STPG2: variants seen among roughly 807,000 people sequenced by gnomAD.
The protein encoded by STPG2 is sperm-tail PG-rich repeat-containing protein 2.
Under a neutral mutation model 54.2 loss-of-function variants are expected in STPG2, and 56 were observed. The ratio of observed to expected loss-of-function variants is 1.03; its 90% CI spans 0.83 to 1.29. STPG2 has a LOEUF of 1.29. STPG2 is among the 50% of genes most tolerant of loss of function. The pLI is 0.00. For missense variants in STPG2, 596 were observed against 544.9 expected (o/e 1.09, Z -0.93); for synonymous variants, 200 against 181.8 (o/e 1.10, Z -0.81).
chr4:98,097,881 A>T (rs973023131), intron 5 of STPG2, among the ~76,000 whole-genome samples: 1 of 152,186 alleles, frequency 6.6e-6, no homozygotes, highest in African/African-American at 2.4e-5. Flanking sequence ...ATAGCCACAG[A>T]TAAAATTGAA....
intron 10 of STPG2, among the ~76,000 whole-genome samples, chr4:97,643,499 G>C (rs1721821492): frequency 6.6e-6 from 1 of 151,548 alleles, no homozygotes; most frequent in Non-Finnish European, 1.5e-5. Flanking sequence ...TAGAACAATA[G>C]TTTTATTTCA....
At chr4:97,971,346 T>C (rs1560616292) in intron 7 of STPG2, among the ~76,000 whole-genome samples, 2 of 152,208 alleles carry the variant, frequency 1.3e-5, no homozygotes, top group South Asian at 4.1e-4. Context: ...TAAAGACACA[T>C]GCACACATAT....
At position 97,729,530 on chromosome 4, in the gene STPG2, T is replaced by C. The variant is rs189418758; in HGVS notation, c.1205-16716A>G. Reference sequence around the variant, plus strand: ...AATATATTAGAAACTGAATTTGGCATGTCTCTTTGATAATGCTGTCTCTGC... The same window carrying C: ...AATATATTAGAAACTGAATTTGGCACGTCTCTTTGATAATGCTGTCTCTGC... On this transcript the variant is annotated intron_variant, in intron 9 of 10. Coordinates refer to ENST00000295268, the MANE Select transcript of STPG2 (RefSeq NM_174952.3). Among the ~76,000 whole-genome samples the C allele has an allele frequency of 2.6e-4, 40 of 152,328 alleles. No homozygotes were observed. In the East Asian group the frequency reaches 6.7e-3, roughly 26 times the overall value.
chr4:97,726,723 G>C (rs1724635554), intron 9 of STPG2, among the ~76,000 whole-genome samples: 1 of 151,580 alleles, frequency 6.6e-6, no homozygotes, highest in Admixed American at 6.6e-5. Flanking sequence ...GAATTAATAA[G>C]GAAAAGTTTA....
chr4:98,135,749 C>G (rs10009206), intron 1 of STPG2, among the ~76,000 whole-genome samples: 11 of 151,424 alleles, frequency 7.3e-5, no homozygotes, highest in African/African-American at 1.9e-4. Context: ...ACCACAAGAC[C>G]AGAAATCCTT....
intron 8 of STPG2, among the ~76,000 whole-genome samples, chr4:97,888,173 G>A (rs1270334048): frequency 6.6e-5 from 10 of 152,174 alleles, no homozygotes; most frequent in Admixed American, 6.5e-4. Flanking sequence ...GAAAAAGTGG[G>A]GTTGGAGACC....
chr4:98,105,954 T>G lies in STPG2; in HGVS notation c.611A>C (p.Lys204Thr). 6.5e-7 allele frequency: 1 copy of G among 1,549,318 alleles called. No homozygotes were observed. Among genetic ancestry groups the G allele is most frequent in the South Asian group, 1.1e-5 (1 of 87,512 alleles). Residue 204 changes from lysine to threonine, a missense_variant and splice_region_variant, in exon 5 of 11, where the codon AAG (lysine) becomes ACG (threonine). By Grantham distance (78) the Lys-to-Thr change is moderately conservative. Coordinates refer to ENST00000295268, the MANE Select transcript of STPG2 (RefSeq NM_174952.3). The stretch of plus-strand genomic sequence containing the variant: ...TGCATTAGCCACTTTTCAACTTACC[T>G]TTTTTTTCTCCTGCAATACTATTAT... ...YEIIVLQEKK[K>T]RFLPMKSITP...
intron 10 of STPG2, among the ~76,000 whole-genome samples, chr4:97,607,341 G>C (rs1311746453): frequency 6.6e-6 from 1 of 151,866 alleles, no homozygotes. Flanking sequence ...ACTTATATAA[G>C]GAGCGGATCT....
chr4:97,990,710 C>T (rs544564173), intron 5 of STPG2, among the ~76,000 whole-genome samples: 6 of 152,158 alleles, frequency 3.9e-5, no homozygotes, highest in Admixed American at 2.6e-4. Context: ...AGTATACTGC[C>T]GTGGAAACAA....
At chr4:97,864,945 G>A (rs941873762) in intron 8 of STPG2, among the ~76,000 whole-genome samples, 3 of 152,138 alleles carry the variant, frequency 2.0e-5, no homozygotes, top group African/African-American at 7.2e-5. Context: ...ATTCATTCAA[G>A]ATGGATTAAA....
intron 10 of STPG2, among the ~76,000 whole-genome samples, chr4:97,599,741 G>A (rs754635879): frequency 2.7e-5 from 4 of 150,814 alleles, no homozygotes; most frequent in Admixed American, 6.6e-5. Flanking sequence ...GGAGAATGGC[G>A]TGAACCTCGG....
At chr4:97,851,913 T>C (rs779755812) in intron 8 of STPG2, among the ~76,000 whole-genome samples, 1 of 152,230 alleles carries the variant, frequency 6.6e-6, no homozygotes, top group Non-Finnish European at 1.5e-5. Context: ...CAGCAAATGC[T>C]AATGCTACTG....
intron 8 of STPG2, among the ~76,000 whole-genome samples, chr4:97,864,091 T>C (rs1206551389): frequency 6.6e-6 from 1 of 152,182 alleles, no homozygotes; most frequent in Non-Finnish European, 1.5e-5. Context: ...TTGGAAGTTC[T>C]GGCCAGGGCA....
chr4:97,518,667 T>C (rs1022664216), intron 4 of STPG2, among the ~76,000 whole-genome samples: 2 of 152,270 alleles, frequency 1.3e-5, no homozygotes, highest in East Asian at 3.9e-4. Context: ...AAATTGGCTA[T>C]TGACAATAAA....
At chr4:97,965,330 C>A (rs968947607) in intron 7 of STPG2, among the ~76,000 whole-genome samples, 1 of 152,202 alleles carries the variant, frequency 6.6e-6, no homozygotes, top group African/African-American at 2.4e-5. Flanking sequence ...GTAAACAAAG[C>A]AGCTGCGAAG....
intron 8 of STPG2, among the ~76,000 whole-genome samples, chr4:97,843,631 T>G (rs1046407284): frequency 2.0e-5 from 3 of 151,828 alleles, no homozygotes; most frequent in Non-Finnish European, 4.4e-5. Flanking sequence ...CCCTAGTATT[T>G]TAAGCTACAA....
chr4:97,809,792 C>G (rs1483057793), intron 9 of STPG2, among the ~76,000 whole-genome samples: 1 of 151,954 alleles, frequency 6.6e-6, no homozygotes, highest in East Asian at 1.9e-4. Context: ...TTTTGAGAGA[C>G]AAAGAAGGGA....
intron 5 of STPG2, among the ~76,000 whole-genome samples, chr4:98,073,742 GTAA>G (rs1354953386): frequency 6.6e-6 from 1 of 151,696 alleles, no homozygotes; most frequent in African/African-American, 2.4e-5. Context: ...AATATATATA[GTAA>G]TAATAATAAT....
At chr4:97,575,036 GA>G (rs963261810) in intron 10 of STPG2, among the ~76,000 whole-genome samples, 19 of 150,132 alleles carry the variant, frequency 1.3e-4, no homozygotes, top group African/African-American at 2.0e-4. Flanking sequence ...AGACAATTCA[GA>G]AAAAAAAATT....
Sources: gnomAD v4.1 joint callset for allele counts (sites outside exome capture counted in the v4.1 genomes callset) on GRCh38, gnomAD v4.1.1 for gene constraint, MANE v1.5 for transcripts, NCBI Gene and HGNC (gene_info 2026-07-23, HGNC 2026-07-21) for gene names.